MEGF8: variants seen among roughly 807,000 people sequenced by gnomAD.
The protein encoded by MEGF8 is multiple epidermal growth factor-like domains protein 8.
A neutral mutation model predicts 302.9 loss-of-function variants in MEGF8; 156 were observed. The ratio of observed to expected loss-of-function variants is 0.52; its 90% CI spans 0.45 to 0.59. The LOEUF is 0.59. Among genes scored for constraint, MEGF8 ranks in the 20% least tolerant of loss-of-function variants. The pLI is 0.00. For synonymous variants in MEGF8, 1,621 were observed against 1,660.5 expected (o/e 0.98, Z 0.58); for missense variants, 3,345 against 3,964.5 (o/e 0.84, Z 4.20).
intron 8 of MEGF8, among the ~76,000 whole-genome samples, chr19:42,341,160 T>G (rs548853594): frequency 2.0e-4 from 30 of 152,056 alleles, no homozygotes; most frequent in African/African-American, 7.0e-4. Flanking sequence ...GGCCAGGCAC[T>G]GTGGCTCATT....
chr19:42,336,348 T>C lies in MEGF8; in HGVS notation c.1244+2T>C, dbSNP rs1359735048. Reference sequence around the variant, plus strand: ...TGGACACCGGCCCTCCACTGCCCGGTAAGTGACCTGTCCCATAACCCATGC... The same window carrying C: ...TGGACACCGGCCCTCCACTGCCCGGCAAGTGACCTGTCCCATAACCCATGC... On this transcript the variant is annotated splice_donor_variant, in intron 6 of 41. Transcript: ENST00000251268. LOFTEE classifies it high-confidence loss of function. This position sits in a 1 kb window ranked among gnomAD's most constrained non-coding sequence, Gnocchi z 4.8. 2.5e-6 allele frequency: 4 copies of C among 1,587,738 alleles called. No individual in the cohort carries two copies. The highest frequency in any genetic ancestry group is 3.4e-6 in the Non-Finnish European group (4 of 1,168,478).
chr19:42,368,551 G>A lies in MEGF8; in HGVS notation c.6370G>A (p.Ala2124Thr), dbSNP rs757392894. ...PESCSLGCAQ[A>T]TQCALCLRRP... ...GAGCTGCTCCCTGGGCTGTGCTCAG[G>A]CAACTCAGTGCGCCTTGTGCCTGCG... Residue 2124 changes from alanine (A) to threonine (T), a missense_variant, in exon 36 of 42, where the codon GCA (alanine) becomes ACA (threonine). Transcript: ENST00000251268. This position sits in a 1 kb window ranked among gnomAD's most constrained non-coding sequence, Gnocchi z 4.9. 3.8e-6 allele frequency: 6 copies of A among 1,599,360 alleles called. No homozygotes were observed. In the South Asian group the frequency reaches 6.8e-5, roughly 18 times the overall value.
intron 1 of MEGF8, among the ~76,000 whole-genome samples, chr19:42,332,401 C>G (rs556468524): frequency 6.6e-6 from 1 of 151,916 alleles, no homozygotes; most frequent in East Asian, 1.9e-4. Context: ...AAGTCTCGCT[C>G]TTGTCCCCCA....
At position 42,350,279 on chromosome 19, in the gene MEGF8, C is replaced by T. The variant is rs751128659; in HGVS notation, c.2631C>T (p.Gly877=). Residue 877 remains glycine, a synonymous_variant, in exon 15 of 42, where the codon GGC becomes GGT. Coordinates refer to ENST00000251268, the MANE Select transcript of MEGF8 (RefSeq NM_001271938.2). ...GTGCCACCTGCCACCTGCGCCAGGG[C>T]GGAGCCCATTGCGGGGATGACGGGG... ...LTSATCHLRQ[G]GAHCGDDGAG... The T allele has an allele frequency of 1.9e-5, 30 of 1,610,798 alleles. No individual in the cohort carries two copies. In the Middle Eastern group the frequency reaches 4.9e-4, roughly 26 times the overall value.
At position 42,375,229 on chromosome 19, in the gene MEGF8, A is replaced by G. The variant is rs1458555690; in HGVS notation, c.7270-278A>G. On this transcript the variant is annotated intron_variant, in intron 41 of 41. Coordinates refer to ENST00000251268, the MANE Select transcript of MEGF8 (RefSeq NM_001271938.2). This position sits in a 1 kb window ranked among gnomAD's most constrained non-coding sequence, Gnocchi z 7.1. ...GAGCCAGAATGCAGCCGCGTTCTTCACTGCTGTGCCTCAGAGTGCCAGAGG... is the reference window on the plus strand; with the variant it reads ...GAGCCAGAATGCAGCCGCGTTCTTCGCTGCTGTGCCTCAGAGTGCCAGAGG... 2.0e-5 allele frequency among the ~76,000 whole-genome samples: 3 copies of G among 152,190 alleles called. No individual in the cohort carries two copies. Among genetic ancestry groups the G allele is most frequent in the African/African-American group, 7.2e-5 (3 of 41,450 alleles).
rs764185083 is a variant in MEGF8 at position 42,375,931 on chromosome 19, G to A, written c.7694G>A (p.Arg2565Gln). 12 of 1,600,428 alleles carry A rather than the reference G, an allele frequency of 7.5e-6. No individual in the cohort carries two copies. In the African/African-American group the frequency reaches 8.0e-5, roughly 11 times the overall value. The part of the protein sequence containing the change: ...SSGPGAPAEP[R>Q]VREVWPRGLI... The stretch of plus-strand genomic sequence containing the variant: ...GGGCCGGGCGCCCCAGCAGAGCCAC[G>A]GGTACGGGAGGTATGGCCGCGGGGC... Residue 2565 changes from arginine to glutamine, a missense_variant, in exon 42 of 42, where the codon CGG becomes CAG. Coordinates refer to ENST00000251268, the MANE Select transcript of MEGF8 (RefSeq NM_001271938.2). This position sits in a 1 kb window ranked among gnomAD's most constrained non-coding sequence, Gnocchi z 7.1.
rs745748127 is a variant in MEGF8, at chr19:42,370,758, C to G, written c.7063C>G (p.Gln2355Glu). 6.4e-7 allele frequency: 1 copy of G among 1,573,736 alleles called. No individual in the cohort carries two copies. Among genetic ancestry groups the G allele is most frequent in the South Asian group, 1.2e-5 (1 of 85,880 alleles). ...SEDEAVCVNC[Q>E]NNSYGEKCES... The stretch of plus-strand genomic sequence containing the variant: ...AGACGAGGCCGTGTGCGTGAACTGC[C>G]AGAATAACAGCTATGGGGAGAAATG... The change falls in exon 40 of 42, where the codon CAG becomes GAG. Residue 2355 changes from glutamine (Q) to glutamate (E), a missense_variant. Transcript: ENST00000251268.
At chr19:42,365,299 C>G (rs1329412292) in intron 35 of MEGF8, among the ~76,000 whole-genome samples, 2 of 152,104 alleles carry the variant, frequency 1.3e-5, no homozygotes, top group Non-Finnish European at 2.9e-5. Flanking sequence ...GCCTGAAGAG[C>G]TGGGGCAGCT....
At position 42,375,719 on chromosome 19, in the gene MEGF8, C is replaced by T. The variant is rs746488503; in HGVS notation, c.7482C>T (p.Asp2494=). ...FTNVDIRLTL[D]VTFGAVDLYV... ...ACGTGGACATCCGCCTGACGCTGGA[C>T]GTGACCTTCGGGGCCGTGGACCTCT... Residue 2494 remains aspartate (D), a synonymous_variant, in exon 42 of 42, where the codon GAC becomes GAT. Transcript: ENST00000251268. This position sits in a 1 kb window ranked among gnomAD's most constrained non-coding sequence, Gnocchi z 7.1. 18 of 1,611,776 alleles carry T rather than the reference C, an allele frequency of 1.1e-5. No homozygotes were observed. Among genetic ancestry groups the T allele is most frequent in the Admixed American group, 5.0e-5 (3 of 59,766 alleles).
At chr19:42,370,138 T>G in intron 38 of MEGF8, 51 bp from the exon 39 acceptor site, 1 of 1,556,580 alleles carries the variant, frequency 6.4e-7, no homozygotes, top group South Asian at 1.2e-5. Flanking sequence ...AACGCCCTCC[T>G]ACCCCTGATG....
At position 42,353,360 on chromosome 19, in the gene MEGF8, C is replaced by A; in HGVS notation, c.3551-105C>A. The A allele has an allele frequency of 7.4e-7, 1 of 1,344,272 alleles. No homozygotes were observed. Among genetic ancestry groups the A allele is most frequent in the Non-Finnish European group, 1.0e-6 (1 of 986,128 alleles). 83.3% of individuals were successfully genotyped at this position (1,344,272 alleles called of 1,614,324 possible). ...TCCCCTGATCTGGGCCTTGGTTTCT[C>A]ACCTTTGAAGCGGCTGGGTGGGGTC... On this transcript the variant is annotated intron_variant, in intron 20 of 41. Coordinates refer to ENST00000251268, the MANE Select transcript of MEGF8 (RefSeq NM_001271938.2). This position sits in a 1 kb window ranked among gnomAD's most constrained non-coding sequence, Gnocchi z 6.1.
chr19:42,346,407 T>G (rs1177427244), intron 12 of MEGF8, among the ~76,000 whole-genome samples: 6 of 151,860 alleles, frequency 4.0e-5, no homozygotes, highest in Non-Finnish European at 2.9e-5. Context: ...CCGGGCGTGA[T>G]GTCGGGTGCC....
At chr19:42,343,072 G>A (rs528885664) in intron 8 of MEGF8, among the ~76,000 whole-genome samples, 1 of 152,302 alleles carries the variant, frequency 6.6e-6, no homozygotes, top group South Asian at 2.1e-4. Flanking sequence ...GACTGAGGCA[G>A]CCTACTGGGG....
chr19:42,367,147 T>G (rs1474227169), intron 35 of MEGF8, among the ~76,000 whole-genome samples: 2 of 152,274 alleles, frequency 1.3e-5, no homozygotes, highest in African/African-American at 4.8e-5. Context: ...TGTGCACGTT[T>G]TTGGGGTCCT....
chr19:42,344,582 C>G lies in MEGF8; in HGVS notation c.1930C>G (p.Pro644Ala). Residue 644 changes from proline (P) to alanine (A), a missense_variant, in exon 11 of 42, where the codon CCT (proline) becomes GCT (alanine). Coordinates refer to ENST00000251268, the MANE Select transcript of MEGF8 (RefSeq NM_001271938.2). This position sits in a 1 kb window ranked among gnomAD's most constrained non-coding sequence, Gnocchi z 4.5. ...CVHNESCLPR[P>A]EQARCRGEQI... ...GCACAATGAGAGCTGCCTCCCTAGGCCTGGTGAGTGTCCGCAGCAGTGGGC... is the reference window on the plus strand; with the variant it reads ...GCACAATGAGAGCTGCCTCCCTAGGGCTGGTGAGTGTCCGCAGCAGTGGGC... The G allele has an allele frequency of 6.3e-7, 1 of 1,591,860 alleles. No individual in the cohort carries two copies. The highest frequency in any genetic ancestry group is 8.5e-7 in the Non-Finnish European group (1 of 1,170,572).
chr19:42,370,811 C>T lies in MEGF8; in HGVS notation c.7116C>T (p.Leu2372=). ...AGAGCTGCCTGCAGGGCTACTTCCT[C>T]CTGGACGGGAAGTGCACCAAGTAAG... The part of the protein sequence containing the change: ...KCESCLQGYF[L]LDGKCTKCQC... The change falls in exon 40 of 42, where the codon CTC becomes CTT. Residue 2372 remains leucine, a synonymous_variant. Coordinates refer to ENST00000251268, the MANE Select transcript of MEGF8 (RefSeq NM_001271938.2). The T allele has an allele frequency of 8.7e-7, 1 of 1,152,972 alleles. No homozygotes were observed. Among genetic ancestry groups the T allele is most frequent in the Non-Finnish European group, 1.2e-6 (1 of 804,388 alleles). 71.4% of individuals were successfully genotyped at this position (1,152,972 alleles called of 1,614,324 possible).
At chr19:42,361,991 A>T (rs1475479225) in intron 32 of MEGF8, 99 bp from the exon 33 acceptor site, 4 of 1,522,236 alleles carry the variant, frequency 2.6e-6, no homozygotes, top group African/African-American at 1.4e-5. Flanking sequence ...TGCTATGTCC[A>T]GCTTGGGATG....
At chr19:42,372,153 T>TATA (rs2039703006) in intron 41 of MEGF8, among the ~76,000 whole-genome samples, 1 of 152,072 alleles carries the variant, frequency 6.6e-6, no homozygotes, top group Non-Finnish European at 1.5e-5. Flanking sequence ...GGGGTCTGCC[T>TATA]TCAGGACTGG....
intron 4 of MEGF8, 41 bp downstream of exon 4, chr19:42,335,256 C>T (rs1373456361): frequency 6.2e-7 from 1 of 1,613,766 alleles, no homozygotes. Context: ...GGAGGCCCGG[C>T]AGCCTATGGC....
Sources: gnomAD v4.1 joint callset for allele counts (sites outside exome capture counted in the v4.1 genomes callset) on GRCh38, gnomAD v4.1.1 for gene constraint, Gnocchi (gnomAD v3.1) non-coding constraint, MANE v1.5 for transcripts, NCBI Gene and HGNC (gene_info 2026-07-23, HGNC 2026-07-21) for gene names.